The following CPQ variants were observed in gnomAD, a reference collection of about 807,000 sequenced individuals.
CPQ encodes Ser-Met dipeptidase.
Under a neutral mutation model 45.7 loss-of-function variants are expected in CPQ, and 37 were observed. That is an observed-to-expected ratio of 0.81 (90% CI 0.62 to 1.07). CPQ has a LOEUF of 1.07. Ranked by LOEUF, CPQ falls within the 50% of genes least tolerant of loss-of-function variation. CPQ has a pLI of 0.00. For synonymous variants in CPQ, 186 were observed against 205.8 expected (o/e 0.90, Z 0.82); for missense variants, 537 against 572.9 (o/e 0.94, Z 0.64).
intron 7 of CPQ, among the ~76,000 whole-genome samples, chr8:97,104,935 A>G (rs953739477): frequency 6.6e-6 from 1 of 152,218 alleles, no homozygotes; most frequent in South Asian, 2.1e-4. Flanking sequence ...TTTCACTGAG[A>G]GTCTTTTCCT....
At chr8:96,937,288 G>A (rs1258865302) in intron 4 of CPQ, among the ~76,000 whole-genome samples, 4 of 152,128 alleles carry the variant, frequency 2.6e-5, no homozygotes, top group Non-Finnish European at 5.9e-5. Flanking sequence ...GAGTTTTGAA[G>A]GACAAGTTGA....
intron 4 of CPQ, among the ~76,000 whole-genome samples, chr8:96,950,784 C>A (rs1813251913): frequency 6.6e-6 from 1 of 152,126 alleles, no homozygotes; most frequent in Non-Finnish European, 1.5e-5. Context: ...TGCATTAGGA[C>A]CTTCCTTACA....
At position 96,973,600 on chromosome 8, in the gene CPQ, T is replaced by C. The variant is rs1813719110; in HGVS notation, c.961+7554T>C. 2.0e-5 allele frequency among the ~76,000 whole-genome samples: 3 copies of C among 152,110 alleles called. No individual in the cohort carries two copies. The South Asian group carries it at 6.2e-4, about 31-fold the overall frequency. On this transcript the variant is annotated intron_variant, in intron 5 of 7. Transcript: ENST00000220763. Reference sequence around the variant, plus strand: ...ACTAAAGTCAAGATAAAGGAAGGAATCTTAAGAGCTCTGAGGCAAAAGCAT... The same window carrying C: ...ACTAAAGTCAAGATAAAGGAAGGAACCTTAAGAGCTCTGAGGCAAAAGCAT...
At chr8:96,817,795 TG>T (rs1287664485) in intron 2 of CPQ, among the ~76,000 whole-genome samples, 1 of 151,922 alleles carries the variant, frequency 6.6e-6, no homozygotes, top group Non-Finnish European at 1.5e-5. Context: ...AAAATTTTTT[TG>T]TGGAGACAGG....
chr8:96,789,679 G>A (rs547911393), intron 2 of CPQ, among the ~76,000 whole-genome samples: 3 of 152,318 alleles, frequency 2.0e-5, no homozygotes, highest in African/African-American at 7.2e-5. Context: ...GCGGCCTTGA[G>A]CATGCACACA....
At chr8:96,753,054 A>G (rs1004073966) in intron 1 of CPQ, among the ~76,000 whole-genome samples, 3 of 152,174 alleles carry the variant, frequency 2.0e-5, no homozygotes, top group Non-Finnish European at 4.4e-5. Flanking sequence ...ATTTAATTCT[A>G]AAATGTATTT....
intron 4 of CPQ, among the ~76,000 whole-genome samples, chr8:96,922,648 T>C (rs770084240): frequency 6.6e-6 from 1 of 152,212 alleles, no homozygotes; most frequent in Non-Finnish European, 1.5e-5. Flanking sequence ...AGTAAATGTA[T>C]GTTACAGTTT....
At position 96,883,808 on chromosome 8, in the gene CPQ, T is replaced by C. The variant is rs149750489; in HGVS notation, c.849+3803T>C. Among the ~76,000 whole-genome samples the C allele has an allele frequency of 3.9e-3, 598 of 152,352 alleles. 4 individuals are homozygous for C. Among genetic ancestry groups the C allele is most frequent in the African/African-American group, 0.014 (564 of 41,582 alleles). The stretch of plus-strand genomic sequence containing the variant: ...ATGCCACTGTTATGGTGTCATCTCC[T>C]AGCAGAACTTGCAAATGCCCTGAGA... On this transcript the variant is annotated intron_variant, in intron 4 of 7. Coordinates refer to ENST00000220763, the MANE Select transcript of CPQ (RefSeq NM_016134.4).
chr8:96,689,556 G>A (rs1809277340), intron 1 of CPQ, among the ~76,000 whole-genome samples: 1 of 152,156 alleles, frequency 6.6e-6, no homozygotes, highest in Non-Finnish European at 1.5e-5. Context: ...GGGAAGAAGG[G>A]AACCAAATTC....
chr8:96,797,172 C>T (rs922713716), intron 2 of CPQ, among the ~76,000 whole-genome samples: 4 of 152,162 alleles, frequency 2.6e-5, no homozygotes, highest in African/African-American at 9.7e-5. Context: ...AAAACAGTCT[C>T]TGTCTAATTC....
At chr8:96,854,031 A>T (rs974602554) in intron 3 of CPQ, among the ~76,000 whole-genome samples, 1 of 152,178 alleles carries the variant, frequency 6.6e-6, no homozygotes, top group African/African-American at 2.4e-5. Flanking sequence ...CCTTTAGCAC[A>T]TTATTTTTAA....
At chr8:96,898,776 TA>T (rs11390361) in intron 4 of CPQ, among the ~76,000 whole-genome samples, 48,708 of 137,512 alleles carry the variant, frequency 0.35, 9,253 homozygotes, top group Non-Finnish European at 0.44. Flanking sequence ...TAGGGTATAA[TA>T]AAAAAAAAAA....
chr8:96,835,651 G>T (rs1811520267), intron 3 of CPQ, among the ~76,000 whole-genome samples: 1 of 152,102 alleles, frequency 6.6e-6, no homozygotes, highest in Non-Finnish European at 1.5e-5. Flanking sequence ...ATACAGACTT[G>T]GCTCTGCTCC....
intron 7 of CPQ, among the ~76,000 whole-genome samples, chr8:97,109,893 A>C (rs1002142691): frequency 2.6e-5 from 4 of 151,974 alleles, no homozygotes; most frequent in Admixed American, 2.6e-4. Flanking sequence ...CCTTCCCCCC[A>C]AAAAATTCTT....
chr8:96,969,327 G>A (rs1415792753), intron 5 of CPQ, among the ~76,000 whole-genome samples: 1 of 152,182 alleles, frequency 6.6e-6, no homozygotes, highest in Non-Finnish European at 1.5e-5. Flanking sequence ...AAATACTTGT[G>A]CATTGACTGC....
intron 6 of CPQ, among the ~76,000 whole-genome samples, chr8:97,042,603 G>A (rs1177757172): frequency 3.3e-5 from 5 of 151,386 alleles, no homozygotes; most frequent in Non-Finnish European, 5.9e-5. Flanking sequence ...GATCTTTCCT[G>A]CTTTCTCTTG....
intron 3 of CPQ, among the ~76,000 whole-genome samples, chr8:96,873,412 T>C (rs1181227264): frequency 6.6e-6 from 1 of 151,868 alleles, no homozygotes; most frequent in East Asian, 1.9e-4. Context: ...GTGTTATTAA[T>C]GACAGTTTAA....
At chr8:96,906,099 T>C (rs1403490572) in intron 4 of CPQ, among the ~76,000 whole-genome samples, 1 of 152,104 alleles carries the variant, frequency 6.6e-6, no homozygotes, top group Non-Finnish European at 1.5e-5. Context: ...TCACCGGGTA[T>C]GGAGGGGGCA....
intron 3 of CPQ, among the ~76,000 whole-genome samples, chr8:96,860,970 G>C (rs906092722): frequency 6.6e-6 from 1 of 152,062 alleles, no homozygotes; most frequent in Non-Finnish European, 1.5e-5. Context: ...TTTTGATTTT[G>C]TACTGACAGT....
Sources: gnomAD v4.1 joint callset for allele counts (sites outside exome capture counted in the v4.1 genomes callset) on GRCh38, gnomAD v4.1.1 for gene constraint, MANE v1.5 for transcripts, NCBI Gene and HGNC (gene_info 2026-07-23, HGNC 2026-07-21) for gene names.